Variants in SULT2B1 observed in about 807,000 individuals in gnomAD.
SULT2B1 encodes sulfotransferase family 2B member 1, also known as sulfotransferase 2B1.
A neutral mutation model predicts 33.2 loss-of-function variants in SULT2B1; 16 were observed. That is an observed-to-expected ratio of 0.48 (90% CI 0.33 to 0.73). The LOEUF (loss-of-function observed/expected upper bound fraction) is 0.73, where lower values mean the gene tolerates loss of function less well. SULT2B1 is among the 30% of genes least tolerant of loss of function. The pLI, the probability that SULT2B1 is intolerant of heterozygous loss-of-function variation, is 0.02. For synonymous variants in SULT2B1, 186 were observed against 200.5 expected (o/e 0.93, Z 0.61); for missense variants, 500 against 506.0 (o/e 0.99, Z 0.11).
rs1242053605 is a variant in SULT2B1, at chr19:48,564,448, G to A, written c.72-11493G>A. Reference sequence around the variant, plus strand: ...GGTGCCTGTAGTCCCAGCTACTTGGGAGGCTGAGGAAGGAGAATCGCTTGA... The same window carrying A: ...GGTGCCTGTAGTCCCAGCTACTTGGAAGGCTGAGGAAGGAGAATCGCTTGA... On this transcript the variant is annotated intron_variant, in intron 1 of 6. Coordinates refer to ENST00000201586, the MANE Select transcript of SULT2B1 (RefSeq NM_177973.2). Among the ~76,000 whole-genome samples, 18 of 148,896 alleles carry A rather than the reference G, an allele frequency of 1.2e-4. 1 individual carries two copies. In the Admixed American group the frequency reaches 1.2e-3, roughly 10 times the overall value.
At chr19:48,592,651 C>G in intron 4 of SULT2B1, 71 bp from the exon 5 acceptor site, 1 of 1,333,660 alleles carries the variant, frequency 7.5e-7, no homozygotes, top group Admixed American at 2.0e-5. Flanking sequence ...GCTAGTTAGA[C>G]CCATGAGCCC....
intron 2 of SULT2B1, among the ~76,000 whole-genome samples, chr19:48,577,671 A>C (rs562119706): frequency 1.2e-4 from 18 of 152,072 alleles, no homozygotes; most frequent in African/African-American, 3.4e-4. Flanking sequence ...GTAGCATTTA[A>C]ATGACCAAAG....
At chr19:48,563,672 T>C (rs1483435659) in intron 1 of SULT2B1, among the ~76,000 whole-genome samples, 2 of 151,834 alleles carry the variant, frequency 1.3e-5, no homozygotes, top group Non-Finnish European at 2.9e-5. Flanking sequence ...TGAGACAAGA[T>C]GCAGGCTGGG....
At chr19:48,556,686 C>T (rs1973103455) in intron 1 of SULT2B1, among the ~76,000 whole-genome samples, 2 of 151,826 alleles carry the variant, frequency 1.3e-5, no homozygotes, top group Admixed American at 1.3e-4. Flanking sequence ...CTCAGTGGCT[C>T]ACACCTGTAA....
At chr19:48,579,006 C>T (rs1322692069) in intron 2 of SULT2B1, among the ~76,000 whole-genome samples, 1 of 152,106 alleles carries the variant, frequency 6.6e-6, no homozygotes, top group African/African-American at 2.4e-5. Flanking sequence ...CCACCAATCT[C>T]CGTTCTGTTT....
chr19:48,553,646 C>T (rs1973056366), intron 1 of SULT2B1, among the ~76,000 whole-genome samples: 4 of 152,102 alleles, frequency 2.6e-5, no homozygotes, highest in Admixed American at 2.0e-4. Context: ...AGGCCCTCCC[C>T]TCCCCTCCCT....
chr19:48,555,549 C>CCCCT (rs1555730908), intron 1 of SULT2B1, among the ~76,000 whole-genome samples: 1 of 124,114 alleles, frequency 8.1e-6, no homozygotes, highest in African/African-American at 3.3e-5. Context: ...CCAGAGACAT[C>CCCCT]CTCTCTCTCT....
intron 2 of SULT2B1, among the ~76,000 whole-genome samples, chr19:48,582,270 A>C (rs1449438580): frequency 6.6e-6 from 1 of 152,104 alleles, no homozygotes; most frequent in Non-Finnish European, 1.5e-5. Context: ...AACTTTAAAC[A>C]AATAAGTTTC....
At position 48,560,485 on chromosome 19, in the gene SULT2B1, G is replaced by A. The variant is rs557567286; in HGVS notation, c.71+8162G>A. Among the ~76,000 whole-genome samples, 4 of 151,664 alleles carry A rather than the reference G, an allele frequency of 2.6e-5. 1 individual carries two copies. Among genetic ancestry groups the A allele is most frequent in the African/African-American group, 9.7e-5 (4 of 41,360 alleles). On this transcript the variant is annotated intron_variant, in intron 1 of 6. Transcript: ENST00000201586. ...CTCAGTGGCCATTTCTTCTCGGGGG[G>A]ACTTGTCACCCTTATGGTTTCCATG... is the stretch of plus-strand genomic sequence containing the variant.
intron 3 of SULT2B1, chr19:48,590,979 A>C (rs771620200): frequency 1.3e-5 from 2 of 152,094 alleles, no homozygotes; most frequent in African/African-American, 2.4e-5. Context: ...GACCACGGGC[A>C]CGCACCACCA....
At chr19:48,598,980 AAG>A (rs1973760577) in intron 6 of SULT2B1, among the ~76,000 whole-genome samples, 153 bp from the exon 7 acceptor site, 1 of 152,024 alleles carries the variant, frequency 6.6e-6, no homozygotes, top group Non-Finnish European at 1.5e-5. Flanking sequence ...ATAGGACACA[AAG>A]GGGGCAATGT....
At chr19:48,553,884 C>A (rs866987141) in intron 1 of SULT2B1, among the ~76,000 whole-genome samples, 1 of 152,190 alleles carries the variant, frequency 6.6e-6, no homozygotes, top group Non-Finnish European at 1.5e-5. Flanking sequence ...ATTCTTCTCT[C>A]CAGAGATAAA....
chr19:48,580,212 G>C (rs1306252591), intron 2 of SULT2B1, among the ~76,000 whole-genome samples: 2 of 151,740 alleles, frequency 1.3e-5, no homozygotes, highest in African/African-American at 4.8e-5. Context: ...GATTATAGGA[G>C]TGAGCCTCTG....
At chr19:48,569,527 T>C (rs1678047111) in intron 1 of SULT2B1, among the ~76,000 whole-genome samples, 1 of 151,400 alleles carries the variant, frequency 6.6e-6, no homozygotes, top group African/African-American at 2.4e-5. Flanking sequence ...TTCTTTCTTT[T>C]TTTTCTTATT....
At chr19:48,595,299 G>A (rs1460343183) in intron 5 of SULT2B1, among the ~76,000 whole-genome samples, 2 of 50,924 alleles carry the variant, frequency 3.9e-5, no homozygotes, top group East Asian at 4.5e-4. Context: ...AAAAGGCAGA[G>A]GGGCACAGGG....
chr19:48,596,170 C>T (rs1973711420), intron 5 of SULT2B1: 1 of 154,062 alleles, frequency 6.5e-6, no homozygotes, highest in African/African-American at 2.4e-5. Context: ...CAGTTCTAGG[C>T]TACAGGGACA....
intron 1 of SULT2B1, chr19:48,575,447 A>G (rs562593598): frequency 2.7e-4 from 36 of 132,304 alleles, no homozygotes; most frequent in African/African-American, 9.8e-4. Context: ...ATCTTTATTA[A>G]CTTTTTAAAA....
At chr19:48,578,951 A>C (rs1973449190) in intron 2 of SULT2B1, among the ~76,000 whole-genome samples, 1 of 152,072 alleles carries the variant, frequency 6.6e-6, no homozygotes, top group African/African-American at 2.4e-5. Context: ...CCTATAAGCC[A>C]TCACCTCCCA....
chr19:48,559,172 C>T (rs983482710), intron 1 of SULT2B1, among the ~76,000 whole-genome samples: 3 of 152,114 alleles, frequency 2.0e-5, no homozygotes, highest in Admixed American at 6.6e-5. Context: ...CCTCCTTCTC[C>T]ACCCAGCCCC....
Sources: gnomAD v4.1 joint callset for allele counts (sites outside exome capture counted in the v4.1 genomes callset) on GRCh38, gnomAD v4.1.1 for gene constraint, MANE v1.5 for transcripts, NCBI Gene and HGNC (gene_info 2026-07-23, HGNC 2026-07-21) for gene names.